RBPJ: variants seen among roughly 807,000 people sequenced by gnomAD.
The protein encoded by RBPJ is recombining binding protein suppressor of hairless.
Under a neutral mutation model 67.8 loss-of-function variants are expected in RBPJ, and 9 were observed. That is an observed-to-expected ratio of 0.13 (90% CI 0.08 to 0.23). The LOEUF (loss-of-function observed/expected upper bound fraction) is 0.23. Ranked by LOEUF, RBPJ falls within the 10% of genes least tolerant of loss-of-function variation. RBPJ has a pLI of 1.00. For missense variants in RBPJ, 305 were observed against 595.6 expected (o/e 0.51, Z 5.08); for synonymous variants, 198 against 203.3 (o/e 0.97, Z 0.22).
intron 1 of RBPJ, among the ~76,000 whole-genome samples, chr4:26,374,040 T>C (rs1729451883): frequency 6.7e-6 from 1 of 149,418 alleles, no homozygotes; most frequent in South Asian, 2.2e-4. Context: ...TGCCTCAGCC[T>C]ACTGAGTAGC....
At chr4:26,425,295 T>C (rs889530817) in intron 7 of RBPJ, among the ~76,000 whole-genome samples, 4 of 152,124 alleles carry the variant, frequency 2.6e-5, no homozygotes, top group Admixed American at 6.6e-5. Flanking sequence ...ATAGAAGACA[T>C]TGAAACTCGG....
chr4:26,202,780 G>A (rs759913981), intron 1 of RBPJ, among the ~76,000 whole-genome samples: 1 of 151,800 alleles, frequency 6.6e-6, no homozygotes, highest in South Asian at 2.1e-4. Flanking sequence ...ATGGTGACAC[G>A]CCCCTGTAAT....
At chr4:26,309,822 GCTTTAACTTGTT>G (rs1296873005) in intron 1 of RBPJ, among the ~76,000 whole-genome samples, 1 of 152,126 alleles carries the variant, frequency 6.6e-6, no homozygotes, top group African/African-American at 2.4e-5. Context: ...GTGTTAACTG[GCTTTAACTTGTT>G]CATGTTATAA....
chr4:26,261,582 G>A (rs193206627), intron 1 of RBPJ, among the ~76,000 whole-genome samples: 6 of 152,168 alleles, frequency 3.9e-5, no homozygotes, highest in Admixed American at 3.9e-4. Flanking sequence ...TTTTGACAAC[G>A]TTGCAAAATT....
the RBPJ span, among the ~76,000 whole-genome samples, chr4:26,137,432 C>T: frequency 2.6e-5 from 4 of 152,188 alleles, no homozygotes; most frequent in Non-Finnish European, 5.9e-5. Context: ...AATCCATCAT[C>T]AGGGATGCAG....
chr4:26,137,987 A>C, the RBPJ span, among the ~76,000 whole-genome samples: 1 of 152,206 alleles, frequency 6.6e-6, no homozygotes, highest in Non-Finnish European at 1.5e-5. Flanking sequence ...AGGGAGTGTG[A>C]TTTCTCAAAC....
At chr4:26,227,385 C>T (rs1719112133) in intron 1 of RBPJ, among the ~76,000 whole-genome samples, 1 of 152,154 alleles carries the variant, frequency 6.6e-6, no homozygotes, top group African/African-American at 2.4e-5. Context: ...ATAATAATGG[C>T]TACTTCAAAG....
At chr4:26,408,955 G>C (rs941715888) in intron 3 of RBPJ, among the ~76,000 whole-genome samples, 3 of 152,196 alleles carry the variant, frequency 2.0e-5, no homozygotes, top group African/African-American at 7.2e-5. Flanking sequence ...CCATTACCTA[G>C]GTGAGATTGG....
At chr4:26,344,938 G>C (rs962772326) in intron 1 of RBPJ, among the ~76,000 whole-genome samples, 5 of 152,154 alleles carry the variant, frequency 3.3e-5, no homozygotes, top group African/African-American at 7.2e-5. Flanking sequence ...AAAAAATACA[G>C]GTTGAATGTG....
intron 1 of RBPJ, among the ~76,000 whole-genome samples, chr4:26,339,861 A>AC (rs1725315435): frequency 6.6e-6 from 1 of 152,160 alleles, no homozygotes; most frequent in Non-Finnish European, 1.5e-5. Context: ...GTCTACAAAA[A>AC]TACAAAAATT....
chr4:26,214,767 AAGAGAAAG>A (rs1265326846), intron 1 of RBPJ, among the ~76,000 whole-genome samples: 367 of 13,680 alleles, frequency 0.027, 3 homozygotes, highest in African/African-American at 0.13. Context: ...AGAGAGAAAA[AAGAGAAAG>A]AAAGAAAGAA....
At position 26,209,098 on chromosome 4, in the gene RBPJ, A is replaced by AATATAT. The variant is rs1553848908; in HGVS notation, c.-167+45496_-167+45501dup. ...ATAACCAGCATTACAGAAGAAAAAA[A>AATATAT]ATATATATATATATATAAAAGCATT... On this transcript the variant is annotated intron_variant, in intron 1 of 4. Transcript: ENST00000512351. Among the ~76,000 whole-genome samples the AATATAT allele has an allele frequency of 5.9e-3, 869 of 146,980 alleles. 9 individuals carry two copies. Among genetic ancestry groups the AATATAT allele is most frequent in the African/African-American group, 0.02 (804 of 40,130 alleles).
intron 1 of RBPJ, among the ~76,000 whole-genome samples, chr4:26,214,892 AAAAGAG>A (rs1306256980): frequency 3.7e-5 from 2 of 54,256 alleles, no homozygotes; most frequent in African/African-American, 1.2e-4. Flanking sequence ...AGAGAGAGAA[AAAAGAG>A]AAAAAGAAAG....
intron 1 of RBPJ, among the ~76,000 whole-genome samples, chr4:26,358,897 C>G (rs576977374): frequency 6.6e-6 from 1 of 152,276 alleles, no homozygotes; most frequent in East Asian, 1.9e-4. Context: ...TTCTAAGTGC[C>G]TTACATGTAT....
intron 3 of RBPJ, among the ~76,000 whole-genome samples, chr4:26,411,077 A>G (rs923484985): frequency 3.9e-5 from 6 of 152,186 alleles, no homozygotes; most frequent in Non-Finnish European, 7.3e-5. Flanking sequence ...ATTTTAAAAA[A>G]TAGTCAGTTT....
At chr4:26,388,160 A>AT (rs536059371) in intron 2 of RBPJ, among the ~76,000 whole-genome samples, 27 of 151,598 alleles carry the variant, frequency 1.8e-4, no homozygotes, top group East Asian at 1.2e-3. Flanking sequence ...AAAACAGTAA[A>AT]TTTTTTTTTG....
At chr4:26,374,078 T>A (rs1343533926) in intron 1 of RBPJ, among the ~76,000 whole-genome samples, 3 of 151,878 alleles carry the variant, frequency 2.0e-5, no homozygotes, top group Admixed American at 2.0e-4. Context: ...GCCACCGGCT[T>A]ACAGGCGCAC....
chr4:26,405,459 A>G (rs989405504), intron 2 of RBPJ, among the ~76,000 whole-genome samples: 7 of 152,212 alleles, frequency 4.6e-5, no homozygotes, highest in Non-Finnish European at 1.0e-4. Flanking sequence ...ACAATTGAGT[A>G]TGTAAATACA....
chr4:26,340,441 T>A (rs1215131054), intron 1 of RBPJ, among the ~76,000 whole-genome samples: 1 of 152,152 alleles, frequency 6.6e-6, no homozygotes, highest in Non-Finnish European at 1.5e-5. Context: ...TTGAGATGAG[T>A]AGCTACTGCA....
Sources: gnomAD v4.1 joint callset for allele counts (sites outside exome capture counted in the v4.1 genomes callset) on GRCh38, gnomAD v4.1.1 for gene constraint, MANE v1.5 for transcripts, NCBI Gene and HGNC (gene_info 2026-07-23, HGNC 2026-07-21) for gene names.